The following ANKRD20A1 variants were observed in gnomAD, a reference collection of about 807,000 sequenced individuals.
ANKRD20A1 encodes ankyrin repeat domain 20 family member A1.
A neutral mutation model predicts 50.9 loss-of-function variants in ANKRD20A1; 2 were observed. That is an observed-to-expected ratio of 0.04 (90% CI 0.02 to 0.12). ANKRD20A1 has a LOEUF of 0.12. Ranked by LOEUF, ANKRD20A1 falls within the 10% of genes least tolerant of loss-of-function variation. The probability of loss-of-function intolerance (pLI) is 1.00; values close to 1 mark genes in which losing one functional copy is unlikely to be tolerated. For synonymous variants in ANKRD20A1, 10 were observed against 186.2 expected, an observed-to-expected ratio of 0.05 and a Z score of 7.70; for missense variants, 31 against 548.1, an observed-to-expected ratio of 0.06 and a Z score of 9.42.
At chr9:67,864,709 T>A in intron 3 of ANKRD20A1, among the ~76,000 whole-genome samples, 1 of 43,914 alleles carries the variant, frequency 2.3e-5, no homozygotes. Flanking sequence ...AAGGTTGGGA[T>A]ACACTCTTGA....
chr9:67,890,340 A>G (rs1587604955), intron 11 of ANKRD20A1, among the ~76,000 whole-genome samples: 1 of 88,222 alleles, frequency 1.1e-5, no homozygotes. Context: ...TGGGCCTGGA[A>G]TAGAAAACCA....
intron 8 of ANKRD20A1, among the ~76,000 whole-genome samples, chr9:67,881,745 AG>A (rs1219443444): frequency 2.6e-5 from 4 of 151,504 alleles, no homozygotes; most frequent in African/African-American, 9.6e-5. Context: ...CAGTGAGCCA[AG>A]ATCGCACCAT....
intron 11 of ANKRD20A1, among the ~76,000 whole-genome samples, chr9:67,891,603 C>T: frequency 1.5e-5 from 1 of 64,978 alleles, no homozygotes. Context: ...ATCTTTGCAA[C>T]ACTGCCTTAT....
intron 4 of ANKRD20A1, among the ~76,000 whole-genome samples, chr9:67,868,072 C>T (rs1021371351): frequency 4.0e-5 from 5 of 126,478 alleles, no homozygotes; most frequent in African/African-American, 1.4e-4. Context: ...TGACCCCTAG[C>T]TGATTTGACT....
rs527732621 is a variant in ANKRD20A1, at chr9:67,859,955, C to T, written c.203+326C>T. 1.2e-3 allele frequency among the ~76,000 whole-genome samples: 56 copies of T among 47,770 alleles called. 27 individuals are homozygous for T. In the South Asian group the frequency reaches 0.031, roughly 27 times the overall value. 31.3% of individuals were successfully genotyped at this position (47,770 alleles called of 152,430 possible). A position where few individuals can be genotyped will look rare whatever the true frequency, so the allele number is the denominator to read the frequency against. On this transcript the variant is annotated intron_variant, in intron 1 of 14. Transcript: ENST00000562196. ...GAGTTGTTTCAGTGGGCGAAAAGTT[C>T]TCAGATAAGAGAGCTTACTTGAAAA...
At chr9:67,888,801 T>C (rs1827906151) in intron 11 of ANKRD20A1, among the ~76,000 whole-genome samples, 1 of 152,066 alleles carries the variant, frequency 6.6e-6, no homozygotes, top group Non-Finnish European at 1.5e-5. Context: ...TTGCATTTTT[T>C]GCTCTTTTCC....
At chr9:67,872,611 A>G (rs1827666487) in intron 6 of ANKRD20A1, among the ~76,000 whole-genome samples, 1 of 138,756 alleles carries the variant, frequency 7.2e-6, no homozygotes, top group Admixed American at 7.0e-5. Flanking sequence ...GTAGACTATA[A>G]TAGTATATTC....
chr9:67,886,617 G>T (rs1827883703), intron 9 of ANKRD20A1, among the ~76,000 whole-genome samples: 1 of 86,274 alleles, frequency 1.2e-5, no homozygotes, highest in Admixed American at 1.6e-4. Context: ...AGTGGATCAA[G>T]GAGCTCTAAC....
At chr9:67,885,355 C>T (rs1429346282) in intron 9 of ANKRD20A1, among the ~76,000 whole-genome samples, 2 of 152,298 alleles carry the variant, frequency 1.3e-5, no homozygotes, top group Admixed American at 1.3e-4. Flanking sequence ...CTCTTGCTGT[C>T]ATCCTCACTA....
At chr9:67,885,105 C>CT (rs1456079981) in intron 9 of ANKRD20A1, among the ~76,000 whole-genome samples, 2 of 148,642 alleles carry the variant, frequency 1.3e-5, no homozygotes, top group Non-Finnish European at 1.5e-5. Flanking sequence ...TTAAGATACT[C>CT]TAAGACCTGA....
In ANKRD20A1 at chr9:67,860,413, T is replaced by C. The variant is rs534499676; in HGVS notation, c.203+784T>C. ...GATATGTATACATATATAACACATA[T>C]GTTATATATATCAGTTATATATACA... On this transcript the variant is annotated intron_variant, in intron 1 of 14. Transcript: ENST00000562196. 30 of 35,952 alleles carry C rather than the reference T, an allele frequency of 8.3e-4. 13 individuals carry two copies. Among genetic ancestry groups the C allele is most frequent in the Non-Finnish European group, 1.6e-3 (26 of 16,336 alleles). 2.2% of individuals were successfully genotyped at this position (35,952 alleles called of 1,614,324 possible).
chr9:67,872,965 C>T (rs1346061124), intron 6 of ANKRD20A1, among the ~76,000 whole-genome samples: 6 of 139,848 alleles, frequency 4.3e-5, no homozygotes, highest in African/African-American at 1.6e-4. Flanking sequence ...TGCTTGCTGG[C>T]CTTAAATGAT....
chr9:67,884,867 G>A (rs1179444674), intron 9 of ANKRD20A1, among the ~76,000 whole-genome samples: 15 of 151,178 alleles, frequency 9.9e-5, no homozygotes, highest in African/African-American at 2.9e-4. Context: ...TCCACCCTGG[G>A]CGACAGAGCG....
intron 9 of ANKRD20A1, among the ~76,000 whole-genome samples, chr9:67,885,537 G>A (rs1827867566): frequency 6.6e-6 from 1 of 152,306 alleles, no homozygotes; most frequent in Admixed American, 6.5e-5. Context: ...TAATTGAATA[G>A]TGTTGGGTGA....
chr9:67,872,076 T>G (rs1451729423), intron 6 of ANKRD20A1, among the ~76,000 whole-genome samples: 1 of 88,510 alleles, frequency 1.1e-5, no homozygotes, highest in Non-Finnish European at 2.7e-5. Flanking sequence ...TGTTCAAGGG[T>G]GAACTGTATT....
rs1231730907 is a variant in ANKRD20A1 at position 67,893,146 on chromosome 9, TA to T, written c.1082-288del. ...GTATTTCAAAATTTTATTTTGTTTC[TA>T]ACAGTTTTGTTGATTTATGTTGGGT... On this transcript the variant is annotated intron_variant, in intron 11 of 14. Coordinates refer to ENST00000562196, the MANE Select transcript of ANKRD20A1 (RefSeq NM_032250.5). 7.2e-5 allele frequency among the ~76,000 whole-genome samples: 6 copies of T among 83,192 alleles called. 2 individuals carry two copies. The highest frequency in any genetic ancestry group is 2.3e-4 in the African/African-American group (6 of 25,750). The allele number at this position is 83,192 out of a possible 152,430, so 54.6% of individuals were successfully genotyped here.
intron 6 of ANKRD20A1, among the ~76,000 whole-genome samples, 198 bp downstream of exon 6, chr9:67,871,410 GATTT>G (rs1293170382): frequency 1.5e-5 from 2 of 136,596 alleles, no homozygotes; most frequent in African/African-American, 2.7e-5. Context: ...TTGAAATTCA[GATTT>G]ATTTAAGAAG....
At chr9:67,884,838 G>A (rs28439723) in intron 9 of ANKRD20A1, among the ~76,000 whole-genome samples, 14 of 150,860 alleles carry the variant, frequency 9.3e-5, no homozygotes, top group African/African-American at 2.2e-4. Context: ...TGCAGTGAGC[G>A]GAGATACCAC....
rs762527121 is a variant in ANKRD20A1, at chr9:67,900,466, G to C, written c.1498-27G>C. ...AATCATGATATTTTATTGAGTACTA[G>C]CTAAAATTTTCTTTTGTTTTATTTA... On this transcript the variant is annotated intron_variant, in intron 14 of 14. Coordinates refer to ENST00000562196, the MANE Select transcript of ANKRD20A1 (RefSeq NM_032250.5). 2.5e-5 allele frequency: 24 copies of C among 954,382 alleles called. 7 individuals are homozygous for C. In the Middle Eastern group the frequency reaches 1.1e-3, roughly 44 times the overall value. The allele number at this position is 954,382 out of a possible 1,614,324, so 59.1% of individuals were successfully genotyped here. A position where few individuals can be genotyped will look rare whatever the true frequency, so the allele number is the denominator to read the frequency against.
Sources: gnomAD v4.1 joint callset for allele counts (sites outside exome capture counted in the v4.1 genomes callset) on GRCh38, gnomAD v4.1.1 for gene constraint, MANE v1.5 for transcripts, NCBI Gene and HGNC (gene_info 2026-07-23, HGNC 2026-07-21) for gene names.